Variants in CCDC6 observed in about 807,000 individuals in gnomAD.
CCDC6 encodes coiled-coil domain-containing protein 6.
CCDC6 carries 20 observed loss-of-function variants against 56.6 expected under a neutral mutation model. The ratio of observed to expected loss-of-function variants is 0.35; its 90% CI spans 0.25 to 0.51. CCDC6 has a LOEUF of 0.51. CCDC6 is among the 20% of genes least tolerant of loss of function. The probability of loss-of-function intolerance (pLI) is 0.95; values close to 1 mark genes in which losing one functional copy is unlikely to be tolerated. For synonymous variants in CCDC6, 241 were observed against 234.4 expected, an observed-to-expected ratio of 1.03 and a Z score of -0.26; for missense variants, 367 against 601.1, an observed-to-expected ratio of 0.61 and a Z score of 4.07.
At chr10:59,810,125 GT>G (rs1247573927) in intron 5 of CCDC6, among the ~76,000 whole-genome samples, 2 of 152,210 alleles carry the variant, frequency 1.3e-5, no homozygotes, top group African/African-American at 2.4e-5. Flanking sequence ...GCTGAGAACT[GT>G]TGAGAGAGAG....
At chr10:59,807,642 C>G (rs1275853771) in intron 5 of CCDC6, among the ~76,000 whole-genome samples, 2 of 152,184 alleles carry the variant, frequency 1.3e-5, no homozygotes, top group Non-Finnish European at 2.9e-5. Context: ...CATCGTCACT[C>G]CCACTCATTT....
rs537958699 is a variant in CCDC6, at chr10:59,893,198, C to T, written c.303+12924G>A. Among the ~76,000 whole-genome samples, 53 of 152,036 alleles carry T rather than the reference C, an allele frequency of 3.5e-4. No homozygotes were observed. In the Middle Eastern group the frequency reaches 0.01, roughly 29 times the overall value. On this transcript the variant is annotated intron_variant, in intron 1 of 8. Transcript: ENST00000263102. ...TAAATCAGAACAGGGTTACTTTTTG[C>T]GGGGGGAGGGATACTGACTGGAACA...
chr10:59,854,596 T>C (rs1433017073), intron 1 of CCDC6, among the ~76,000 whole-genome samples: 2 of 152,184 alleles, frequency 1.3e-5, no homozygotes, highest in Non-Finnish European at 2.9e-5. Flanking sequence ...ATACCTCCTA[T>C]TTCATTAACG....
intron 1 of CCDC6, among the ~76,000 whole-genome samples, chr10:59,859,629 A>T (rs2071110550): frequency 6.6e-6 from 1 of 152,226 alleles, no homozygotes; most frequent in Non-Finnish European, 1.5e-5. Flanking sequence ...GGCACAAAGA[A>T]GCAAGATGAT....
chr10:59,800,875 T>A (rs2070569583), intron 7 of CCDC6, among the ~76,000 whole-genome samples: 1 of 152,186 alleles, frequency 6.6e-6, no homozygotes, highest in African/African-American at 2.4e-5. Flanking sequence ...TTCCCTTGCT[T>A]TGATATGGAA....
intron 2 of CCDC6, among the ~76,000 whole-genome samples, chr10:59,839,325 GCAGTGA>G (rs1263743948): frequency 6.6e-6 from 1 of 152,182 alleles, no homozygotes; most frequent in African/African-American, 2.4e-5. Flanking sequence ...TCTAAGAAGG[GCAGTGA>G]CTAGGATTTC....
intron 1 of CCDC6, among the ~76,000 whole-genome samples, chr10:59,870,066 G>A (rs2071215101): frequency 6.6e-6 from 1 of 152,110 alleles, no homozygotes; most frequent in East Asian, 1.9e-4. Flanking sequence ...CATCGAGGAT[G>A]TATCTTGCCT....
chr10:59,857,692 A>T (rs1347677642), intron 1 of CCDC6, among the ~76,000 whole-genome samples: 1 of 152,002 alleles, frequency 6.6e-6, no homozygotes, highest in Non-Finnish European at 1.5e-5. Context: ...TTTTTTAAAG[A>T]ATTACTTTTA....
At chr10:59,835,812 C>T (rs1448130694) in intron 2 of CCDC6, among the ~76,000 whole-genome samples, 2 of 152,152 alleles carry the variant, frequency 1.3e-5, no homozygotes, top group Non-Finnish European at 1.5e-5. Flanking sequence ...AATCCCAGCA[C>T]TTTTAGAGGC....
chr10:59,864,340 A>G (rs956318624), intron 1 of CCDC6, among the ~76,000 whole-genome samples: 4 of 152,242 alleles, frequency 2.6e-5, no homozygotes, highest in African/African-American at 9.6e-5. Context: ...AGTAAAGCAT[A>G]ACAACCAAAC....
chr10:59,892,330 G>T (rs902826413), intron 1 of CCDC6, among the ~76,000 whole-genome samples: 3 of 152,190 alleles, frequency 2.0e-5, no homozygotes, highest in African/African-American at 7.2e-5. Context: ...TTTAGGAAGT[G>T]TGTTTACCTC....
intron 1 of CCDC6, among the ~76,000 whole-genome samples, chr10:59,869,835 T>C (rs972933111): frequency 6.6e-6 from 1 of 152,118 alleles, no homozygotes; most frequent in African/African-American, 2.4e-5. Context: ...TCTGCCTGCC[T>C]CTTGCCCCGA....
At chr10:59,852,210 A>T (rs1443307333) in intron 2 of CCDC6, among the ~76,000 whole-genome samples, 1 of 152,218 alleles carries the variant, frequency 6.6e-6, no homozygotes, top group Admixed American at 6.5e-5. Context: ...TTACGTACTT[A>T]TTACAGGCTC....
chr10:59,897,200 C>CA (rs1010659166), intron 1 of CCDC6, among the ~76,000 whole-genome samples: 4 of 151,526 alleles, frequency 2.6e-5, no homozygotes, highest in Non-Finnish European at 2.9e-5. Context: ...CTCCACCCCA[C>CA]AAAAAACATC....
intron 2 of CCDC6, among the ~76,000 whole-genome samples, chr10:59,848,867 C>T (rs2071015320): frequency 6.6e-6 from 1 of 152,106 alleles, no homozygotes; most frequent in South Asian, 2.1e-4. Context: ...GCGTGTGCCA[C>T]CACACCCAAC....
At position 59,883,868 on chromosome 10, in the gene CCDC6, T is replaced by G. The variant is rs535145298; in HGVS notation, c.303+22254A>C. ...AAACTGGATAAAGTTTAATGTATTG[T>G]TGTCAGAGTTCAAAACCCTCAAGTT... On this transcript the variant is annotated intron_variant, in intron 1 of 8. Transcript: ENST00000263102. Among the ~76,000 whole-genome samples, 4 of 152,322 alleles carry G rather than the reference T, an allele frequency of 2.6e-5. No homozygotes were observed. In the East Asian group the frequency reaches 7.7e-4, roughly 29 times the overall value.
chr10:59,869,149 T>G (rs1037264739), intron 1 of CCDC6, among the ~76,000 whole-genome samples: 1 of 151,884 alleles, frequency 6.6e-6, no homozygotes, highest in East Asian at 1.9e-4. Flanking sequence ...CACGCCCTAA[T>G]GATCTCAGTG....
At position 59,818,495 on chromosome 10, in the gene CCDC6, C is replaced by CGGGG. The variant is rs10605676; in HGVS notation, c.583-3744_583-3741dup. Among the ~76,000 whole-genome samples the CGGGG allele has an allele frequency of 6.6e-3, 545 of 82,732 alleles. 3 individuals carry two copies. The highest frequency in any genetic ancestry group is 0.027 in the East Asian group (56 of 2,048). The allele number at this position is 82,732 out of a possible 152,430, so 54.3% of individuals were successfully genotyped here. A position where few individuals can be genotyped will look rare whatever the true frequency, so the allele number is the denominator to read the frequency against. The stretch of plus-strand genomic sequence containing the variant: ...CAACGTCCTTTTATTATAATGTTGA[C>CGGGG]GGGGGGGGGGGAAGCAGATTCTCAG... On this transcript the variant is annotated intron_variant, in intron 3 of 8. Transcript: ENST00000263102.
At chr10:59,859,203 T>C (rs919487794) in intron 1 of CCDC6, among the ~76,000 whole-genome samples, 29 of 116,706 alleles carry the variant, frequency 2.5e-4, no homozygotes, top group Non-Finnish European at 3.3e-4. Context: ...TGTGTGCGTG[T>C]GTGTGTGTGT....
Sources: allele counts gnomAD v4.1 joint callset (sites outside exome capture counted in the v4.1 genomes callset), GRCh38; gene constraint gnomAD v4.1.1; transcripts MANE v1.5; gene names NCBI Gene and HGNC (gene_info 2026-07-23, HGNC 2026-07-21).